SBF2: variants seen among roughly 807,000 people sequenced by gnomAD.
SBF2 encodes the protein SET binding factor 2.
SBF2 carries 112 observed loss-of-function variants against 225.2 expected under a neutral mutation model. The observed-to-expected ratio is 0.50, with a 90% CI of 0.43 to 0.58. The LOEUF (loss-of-function observed/expected upper bound fraction) is 0.58. Among genes scored for constraint, SBF2 ranks in the 20% least tolerant of loss-of-function variants. SBF2 has a pLI of 0.00. For synonymous variants in SBF2, 763 were observed against 773.3 expected (o/e 0.99, Z 0.22); for missense variants, 1,996 against 2,206.2 (o/e 0.90, Z 1.91).
chr11:9,805,583 T>C (rs1853768851), intron 32 of SBF2, among the ~76,000 whole-genome samples: 1 of 152,128 alleles, frequency 6.6e-6, no homozygotes. Flanking sequence ...ATCTGAGCTT[T>C]TGGAAGATTA....
At chr11:9,787,790 G>A in intron 35 of SBF2, 52 bp from the exon 36 acceptor site, 1 of 1,496,274 alleles carries the variant, frequency 6.7e-7, no homozygotes, top group Non-Finnish European at 9.3e-7. Context: ...AATCAGGATG[G>A]GCCCCAAAGC....
At chr11:9,783,684 T>C (rs1327669661) in intron 38 of SBF2, among the ~76,000 whole-genome samples, 1 of 152,176 alleles carries the variant, frequency 6.6e-6, no homozygotes, top group East Asian at 1.9e-4. Flanking sequence ...AACCTAACAG[T>C]AGTCAAAAGA....
At chr11:10,279,070 C>A (rs1431222570) in intron 1 of SBF2, among the ~76,000 whole-genome samples, 1 of 143,022 alleles carries the variant, frequency 7.0e-6, no homozygotes, top group Non-Finnish European at 1.5e-5. Context: ...TGCAGGCATT[C>A]CAGCCTGGGC....
At chr11:9,957,959 C>A (rs1029436392) in intron 16 of SBF2, 4 of 151,744 alleles carry the variant, frequency 2.6e-5, no homozygotes, top group Non-Finnish European at 5.9e-5. Context: ...CTCCCTGATC[C>A]CCAACCCCTA....
At chr11:9,966,879 C>T (rs563259730) in intron 14 of SBF2, among the ~76,000 whole-genome samples, 4 of 152,084 alleles carry the variant, frequency 2.6e-5, no homozygotes, top group African/African-American at 9.7e-5. Flanking sequence ...ATAGAATTAC[C>T]ATATGACCCA....
chr11:9,922,545 G>C (rs765728755), intron 16 of SBF2, among the ~76,000 whole-genome samples: 1 of 151,946 alleles, frequency 6.6e-6, no homozygotes, highest in Non-Finnish European at 1.5e-5. Flanking sequence ...AATTAAACTA[G>C]TTTATCATTA....
intron 32 of SBF2, among the ~76,000 whole-genome samples, chr11:9,800,632 C>T (rs1203171897): frequency 6.6e-6 from 1 of 152,130 alleles, no homozygotes; most frequent in African/African-American, 2.4e-5. Context: ...TGGTCTCTAT[C>T]TCCTGACCTC....
At chr11:10,192,911 A>G (rs1565340334) in intron 2 of SBF2, among the ~76,000 whole-genome samples, 1 of 152,256 alleles carries the variant, frequency 6.6e-6, no homozygotes, top group Non-Finnish European at 1.5e-5. Flanking sequence ...CAAACTTCGT[A>G]GACATATTAC....
At chr11:9,833,421 A>ATTT (rs371039800) in intron 26 of SBF2, among the ~76,000 whole-genome samples, 103 of 134,066 alleles carry the variant, frequency 7.7e-4, no homozygotes, top group African/African-American at 2.1e-3. Context: ...TTTTTTGGTG[A>ATTT]TTTTTTTTTT....
intron 1 of SBF2, among the ~76,000 whole-genome samples, chr11:10,253,573 T>C (rs1470260): frequency 0.2 from 29,991 of 152,050 alleles, 3,137 homozygotes; most frequent in Middle Eastern, 0.26. Flanking sequence ...AATACAAAAC[T>C]ACAATGATTA....
chr11:10,253,966 T>C (rs1011842327), intron 1 of SBF2, among the ~76,000 whole-genome samples: 1 of 152,142 alleles, frequency 6.6e-6, no homozygotes, highest in Non-Finnish European at 1.5e-5. Context: ...TAAATAGTTA[T>C]TATCAAAAAG....
At position 9,779,313 on chromosome 11, in the gene SBF2, C is replaced by T. The variant is rs977612326; in HGVS notation, c.*1105G>A. On this transcript the variant is annotated 3_prime_UTR_variant, in exon 40 of 40. Transcript: ENST00000256190. Reference sequence around the variant, plus strand: ...ACATATTAACATTTCAAAACAAATGCAATGATCTAGCTACCTATGACGCCA... The same window carrying T: ...ACATATTAACATTTCAAAACAAATGTAATGATCTAGCTACCTATGACGCCA... 3.9e-5 allele frequency: 6 copies of T among 152,724 alleles called. No homozygotes were observed. Among genetic ancestry groups the T allele is most frequent in the African/African-American group, 1.4e-4 (6 of 41,566 alleles). The allele number at this position is 152,724 out of a possible 1,614,324, so 9.5% of individuals were successfully genotyped here.
chr11:10,298,156 C>T (rs1277077180), upstream of SBF2, among the ~76,000 whole-genome samples: 3 of 152,088 alleles, frequency 2.0e-5, no homozygotes, highest in East Asian at 1.9e-4. Flanking sequence ...TTTGGGAGGC[C>T]GAGGCAGGTG....
chr11:10,042,028 G>A (rs566525273), intron 3 of SBF2, among the ~76,000 whole-genome samples: 2 of 152,282 alleles, frequency 1.3e-5, no homozygotes, highest in African/African-American at 4.8e-5. Context: ...AAAAGCAGAA[G>A]TCAGCAGTAT....
At chr11:9,856,823 T>A in intron 18 of SBF2, 103 bp from the exon 19 acceptor site, 2 of 1,269,344 alleles carry the variant, frequency 1.6e-6, no homozygotes, top group Non-Finnish European at 2.2e-6. Flanking sequence ...AGTCTCGCTC[T>A]GTCACCCAGG....
intron 13 of SBF2, among the ~76,000 whole-genome samples, chr11:9,971,475 T>G (rs1243562307): frequency 6.6e-6 from 1 of 151,944 alleles, no homozygotes; most frequent in African/African-American, 2.4e-5. Context: ...GTCCAGGAGT[T>G]CAAGACCAGT....
chr11:10,121,639 C>A (rs951956695), intron 2 of SBF2, among the ~76,000 whole-genome samples: 11 of 152,168 alleles, frequency 7.2e-5, no homozygotes, highest in Non-Finnish European at 1.5e-5. Context: ...ACAAAAACAA[C>A]CAACATTGAT....
intron 1 of SBF2, among the ~76,000 whole-genome samples, chr11:10,199,508 T>G (rs1339962523): frequency 6.8e-6 from 1 of 147,226 alleles, no homozygotes; most frequent in Non-Finnish European, 1.5e-5. Context: ...TTCAATTTGT[T>G]AAAACAAACA....
intron 1 of SBF2, among the ~76,000 whole-genome samples, chr11:10,203,389 T>C (rs1957635347): frequency 6.6e-6 from 1 of 152,184 alleles, no homozygotes; most frequent in African/African-American, 2.4e-5. Flanking sequence ...ATTGCCTCAG[T>C]GTGAAAAATT....
Sources: allele counts gnomAD v4.1 joint callset (sites outside exome capture counted in the v4.1 genomes callset), GRCh38; gene constraint gnomAD v4.1.1; transcripts MANE v1.5; gene names NCBI Gene and HGNC (gene_info 2026-07-23, HGNC 2026-07-21).